LAMA1: variants seen among roughly 807,000 people sequenced by gnomAD.
LAMA1 encodes laminin subunit alpha-1.
A neutral mutation model predicts 348.7 loss-of-function variants in LAMA1; 219 were observed. The observed-to-expected ratio is 0.63, with a 90% CI of 0.56 to 0.70. LAMA1 has a LOEUF of 0.70. Among genes scored for constraint, LAMA1 ranks in the 30% least tolerant of loss-of-function variants. LAMA1 has a pLI of 0.00. For missense variants in LAMA1, 3,744 were observed against 3,888.0 expected, an observed-to-expected ratio of 0.96 and a Z score of 0.99; for synonymous variants, 1,487 against 1,491.0, an observed-to-expected ratio of 1.00 and a Z score of 0.06.
At chr18:6,998,368 T>C (rs1350588430) in intron 32 of LAMA1, among the ~76,000 whole-genome samples, 1 of 152,158 alleles carries the variant, frequency 6.6e-6, no homozygotes, top group Non-Finnish European at 1.5e-5. Flanking sequence ...GGAGAACGGA[T>C]GCACCTAAAG....
rs1216259251 is a variant in LAMA1, at chr18:7,034,595, G to A, written c.1935C>T (p.Phe645=). ...TCTGCCTTTTGCTGTGAAAATCTTG[G>A]AAGTTTTCAGGCACAAGTCTAACCA... The part of the protein sequence containing the change: ...LNVVRLVPEN[F]QDFHSKRQID... The change falls in exon 14 of 63, where the codon TTC becomes TTT. Residue 645 remains phenylalanine, a synonymous_variant. Coordinates refer to ENST00000389658, the MANE Select transcript of LAMA1 (RefSeq NM_005559.4). 9 of 1,614,140 alleles carry A rather than the reference G, an allele frequency of 5.6e-6. No homozygotes were observed. The highest frequency in any genetic ancestry group is 1.1e-5 in the South Asian group (1 of 91,070).
In LAMA1 at chr18:7,000,033, A is replaced by C. The variant is rs116434587; in HGVS notation, c.4383-36T>G. 5.5e-4 allele frequency: 815 copies of C among 1,468,518 alleles called. 4 individuals carry two copies. In the African/African-American group the frequency reaches 0.01, roughly 19 times the overall value. The allele number at this position is 1,468,518 out of a possible 1,614,324, so 91.0% of individuals were successfully genotyped here. A position where few individuals can be genotyped will look rare whatever the true frequency, so the allele number is the denominator to read the frequency against. On this transcript the variant is annotated intron_variant, in intron 30 of 62. Transcript: ENST00000389658. ...AGAATTTCTTTTTGAATTTTCAGAT[A>C]TACAATTTCCATCTTTCCTTAAGGT... is the stretch of plus-strand genomic sequence containing the variant.
intron 3 of LAMA1, among the ~76,000 whole-genome samples, chr18:7,074,867 C>T (rs1395825117): frequency 6.8e-6 from 1 of 147,918 alleles, no homozygotes; most frequent in Non-Finnish European, 1.5e-5. Flanking sequence ...GTAGTTAAAC[C>T]TTATTGCAAA....
rs200764023 is a variant in LAMA1, at chr18:6,983,260, G to A, written c.5661-26C>T. 48 of 1,613,650 alleles carry A rather than the reference G, an allele frequency of 3.0e-5. 1 individual carries two copies. Among genetic ancestry groups the A allele is most frequent in the African/African-American group, 1.3e-4 (10 of 75,042 alleles). On this transcript the variant is annotated intron_variant, in intron 39 of 62. Transcript: ENST00000389658. The stretch of plus-strand genomic sequence containing the variant: ...CTATCAAAGCAGCATATTTAGATAC[G>A]TTATGATAAACTAAATCAAACTTGC...
At chr18:6,976,766 C>T (rs2057684522) in intron 44 of LAMA1, among the ~76,000 whole-genome samples, 1 of 151,922 alleles carries the variant, frequency 6.6e-6, no homozygotes, top group Non-Finnish European at 1.5e-5. Flanking sequence ...ACCACCAAGC[C>T]TGGTTATTAT....
intron 48 of LAMA1, among the ~76,000 whole-genome samples, chr18:6,969,476 G>C (rs533756048): frequency 9.2e-5 from 14 of 152,158 alleles, no homozygotes; most frequent in Non-Finnish European, 1.8e-4. Flanking sequence ...CAAGAAACAT[G>C]CTTATTTTTT....
In LAMA1 at chr18:7,036,303, G is replaced by GT. The variant is rs1450880997; in HGVS notation, c.1738-216dup. ...CAATATTACCAACATGCAGGACACT[G>GT]TTTGAAAGCACAGAAGAAAAATGTA... On this transcript the variant is annotated intron_variant, in intron 12 of 62. Transcript: ENST00000389658. Among the ~76,000 whole-genome samples the GT allele has an allele frequency of 2.6e-5, 4 of 152,240 alleles. No homozygotes were observed. The East Asian group carries it at 7.7e-4, about 29-fold the overall frequency.
intron 58 of LAMA1, among the ~76,000 whole-genome samples, chr18:6,950,217 G>A (rs967761753): frequency 1.3e-5 from 2 of 152,052 alleles, no homozygotes; most frequent in Non-Finnish European, 2.9e-5. Flanking sequence ...CTTATCCCCC[G>A]GCTGCCAAAC....
chr18:7,062,983 A>G (rs2058108574), intron 3 of LAMA1, among the ~76,000 whole-genome samples: 4 of 152,174 alleles, frequency 2.6e-5, no homozygotes. Context: ...GGGGCCCTTA[A>G]TCATTAAGCC....
At position 6,986,320 on chromosome 18, in the gene LAMA1, A is replaced by C; in HGVS notation, c.5196T>G (p.Ile1732Met). 3.1e-6 allele frequency: 5 copies of C among 1,614,164 alleles called. No individual in the cohort carries two copies. Among genetic ancestry groups the C allele is most frequent in the Non-Finnish European group, 4.2e-6 (5 of 1,180,032 alleles). Residue 1732 changes from isoleucine (I) to methionine (M), a missense_variant, in exon 37 of 63, where the codon ATT becomes ATG. By Grantham distance (10) the Ile-to-Met change is conservative. Coordinates refer to ENST00000389658, the MANE Select transcript of LAMA1 (RefSeq NM_005559.4). ...LKAAEDLLSQ[I>M]QENYQKPLEE... ...CCAGCGGCTTCTGGTAATTTTCCTGAATTTGTGACAATAAATCTTCAGCAG... is the reference window on the plus strand; with the variant it reads ...CCAGCGGCTTCTGGTAATTTTCCTGCATTTGTGACAATAAATCTTCAGCAG...
chr18:7,021,498 T>C (rs2057915194), intron 19 of LAMA1, among the ~76,000 whole-genome samples: 1 of 152,172 alleles, frequency 6.6e-6, no homozygotes, highest in Non-Finnish European at 1.5e-5. Context: ...GTAATCTACA[T>C]GTAGATCAAG....
intron 19 of LAMA1, 76 bp from the exon 20 acceptor site, chr18:7,017,460 GA>G (rs11420876): frequency 7.2e-4 from 600 of 832,800 alleles, no homozygotes; most frequent in Non-Finnish European, 8.4e-4. Context: ...ATCCCCAAAG[GA>G]AAAAAAAAAT....
chr18:7,098,031 G>T (rs1010046264), intron 1 of LAMA1, among the ~76,000 whole-genome samples: 1 of 150,532 alleles, frequency 6.6e-6, no homozygotes, highest in African/African-American at 2.4e-5. Context: ...GACTGGTTTT[G>T]GTGGAGACGG....
At chr18:7,014,996 A>G (rs566173537) in intron 22 of LAMA1, among the ~76,000 whole-genome samples, 4 of 151,820 alleles carry the variant, frequency 2.6e-5, no homozygotes, top group South Asian at 2.1e-4. Context: ...ACAGGCGCCC[A>G]TCACCACGCC....
intron 19 of LAMA1, among the ~76,000 whole-genome samples, chr18:7,022,471 C>G (rs1598284625): frequency 6.6e-6 from 1 of 152,188 alleles, no homozygotes; most frequent in Non-Finnish European, 1.5e-5. Flanking sequence ...GTTTTCTGTA[C>G]AGCTGGTGCC....
Position 6,992,580 on chromosome 18 carries a change from T to G in LAMA1, c.5149A>C (p.Asn1717His). Reference protein sequence around the residue: ...QIRDFTQLHQNATLELKAAED... With the variant: ...QIRDFTQLHQHATLELKAAED... ...ACTTACTTGAGTTCAAGGGTGGCAT[T>G]TTGGTGCAACTGTGTGAAGTCTCTT... The change falls in exon 36 of 63, where the codon AAT (asparagine) becomes CAT (histidine). Residue 1717 changes from asparagine (N) to histidine (H), a missense_variant. By Grantham distance (68) the Asn-to-His change is moderately conservative (BLOSUM62 1). Around this residue, in one of 3 missense-constraint regions of LAMA1, gnomAD observed 1,983 missense variants for 1,934.3 expected, o/e 1.03. Coordinates refer to ENST00000389658, the MANE Select transcript of LAMA1 (RefSeq NM_005559.4). 6.2e-7 allele frequency: 1 copy of G among 1,614,194 alleles called. No homozygotes were observed. Among genetic ancestry groups the G allele is most frequent in the South Asian group, 1.1e-5 (1 of 91,088 alleles).
chr18:7,089,700 A>G (rs1468967596), intron 1 of LAMA1, among the ~76,000 whole-genome samples: 1 of 152,118 alleles, frequency 6.6e-6, no homozygotes, highest in African/African-American at 2.4e-5. Flanking sequence ...CTTCAAACAT[A>G]ATTATTATCT....
Position 6,997,867 on chromosome 18 carries a change from C to T in LAMA1, c.4681G>A (p.Val1561Ile), listed in dbSNP as rs751427740. Reference protein sequence around the residue: ...TDCVSCDDECVGVLLNDLDEI... With the variant: ...TDCVSCDDECIGVLLNDLDEI... Reference sequence around the variant, plus strand: ...TCCAAGTCATTCAGCAGCACACCTACACACTCATCATCACAGGCTACAAGA... The same window carrying T: ...TCCAAGTCATTCAGCAGCACACCTATACACTCATCATCACAGGCTACAAGA... Residue 1561 changes from valine to isoleucine, a missense_variant, in exon 33 of 63, where the codon GTA becomes ATA. Transcript: ENST00000389658. The T allele has an allele frequency of 6.2e-7, 1 of 1,614,162 alleles. No homozygotes were observed. Among genetic ancestry groups the T allele is most frequent in the Non-Finnish European group, 8.5e-7 (1 of 1,180,032 alleles).
intron 23 of LAMA1, 126 bp downstream of exon 23, chr18:7,013,689 C>G (rs1030654753): frequency 2.4e-6 from 2 of 829,984 alleles, no homozygotes; most frequent in African/African-American, 1.7e-5. Context: ...AACTCAGATG[C>G]GGAAGGGAGT....
Sources: allele counts gnomAD v4.1 joint callset (sites outside exome capture counted in the v4.1 genomes callset), GRCh38; gene constraint gnomAD v4.1.1; regional missense constraint gnomAD v4.1.1; transcripts MANE v1.5; gene names NCBI Gene and HGNC (gene_info 2026-07-23, HGNC 2026-07-21).